Variants in EML4 observed in about 807,000 individuals in gnomAD.
EML4 encodes EMAP like 4.
In EML4, 72 loss-of-function variants were observed where a neutral mutation model predicts 129.0. The ratio of observed to expected loss-of-function variants is 0.56; its 90% CI spans 0.46 to 0.68. The LOEUF (loss-of-function observed/expected upper bound fraction) is 0.68. Among genes scored for constraint, EML4 ranks in the 30% least tolerant of loss-of-function variants. The pLI is 0.00. For missense variants in EML4, 1,363 were observed against 1,190.6 expected, an observed-to-expected ratio of 1.14 and a Z score of -2.13; for synonymous variants, 532 against 405.0, an observed-to-expected ratio of 1.31 and a Z score of -3.77.
chr2:42,184,422 C>G (rs1671126688), intron 1 of EML4, among the ~76,000 whole-genome samples: 3 of 138,316 alleles, frequency 2.2e-5, no homozygotes, highest in African/African-American at 8.2e-5. Context: ...GCTAACACAC[C>G]ATTTTCATTG....
intron 6 of EML4, among the ~76,000 whole-genome samples, chr2:42,268,593 C>T (rs72972005): frequency 0.029 from 4,428 of 152,220 alleles, 215 homozygotes; most frequent in African/African-American, 0.098. Flanking sequence ...CATACCACAA[C>T]ACCCAGCTAA....
chr2:42,180,900 C>T (rs1036197368), intron 1 of EML4, among the ~76,000 whole-genome samples: 2 of 152,148 alleles, frequency 1.3e-5, no homozygotes, highest in African/African-American at 2.4e-5. Flanking sequence ...TGGGTTTTGT[C>T]ACCTTGACAC....
chr2:42,294,626 G>A (rs1194983734), intron 11 of EML4, among the ~76,000 whole-genome samples: 1 of 152,086 alleles, frequency 6.6e-6, no homozygotes, highest in Admixed American at 6.6e-5. Flanking sequence ...AACTCCGGAG[G>A]CAGAGGTTGC....
chr2:42,233,970 G>C (rs1201816557), intron 1 of EML4, among the ~76,000 whole-genome samples: 1 of 152,174 alleles, frequency 6.6e-6, no homozygotes, highest in African/African-American at 2.4e-5. Context: ...AAGAAGATCC[G>C]AAAAGTAGTG....
At chr2:42,179,387 G>T (rs1446535783) in intron 1 of EML4, among the ~76,000 whole-genome samples, 1 of 151,952 alleles carries the variant, frequency 6.6e-6, no homozygotes, top group Non-Finnish European at 1.5e-5. Flanking sequence ...GTATAGAGGG[G>T]AAAATACAAT....
Position 42,263,175 on chromosome 2 carries a change from T to A in EML4, c.513-3T>A, listed in dbSNP as rs766791365. On this transcript the variant is annotated splice_region_variant and splice_polypyrimidine_tract_variant and intron_variant, in intron 4 of 22. Transcript: ENST00000318522. ...TTCTCTAAGAAATTAATGTTCCTTCTAGCATAAAACGACCATCACCAGCTG... is the reference window on the plus strand; with the variant it reads ...TTCTCTAAGAAATTAATGTTCCTTCAAGCATAAAACGACCATCACCAGCTG... 5.4e-5 allele frequency: 87 copies of A among 1,608,568 alleles called. No homozygotes were observed. Among genetic ancestry groups the A allele is most frequent in the Non-Finnish European group, 7.2e-5 (85 of 1,178,236 alleles).
At chr2:42,278,714 A>G (rs1412123015) in intron 6 of EML4, among the ~76,000 whole-genome samples, 1 of 151,814 alleles carries the variant, frequency 6.6e-6, no homozygotes, top group Non-Finnish European at 1.5e-5. Flanking sequence ...TGGTTAGATC[A>G]CCTGAGGTCA....
chr2:42,262,659 C>T (rs553868644), intron 4 of EML4, among the ~76,000 whole-genome samples: 1 of 152,050 alleles, frequency 6.6e-6, no homozygotes, highest in Admixed American at 6.6e-5. Context: ...TGCCAATAAC[C>T]ACATTCTTAT....
At chr2:42,196,873 A>G (rs892835456) in intron 1 of EML4, among the ~76,000 whole-genome samples, 1 of 152,108 alleles carries the variant, frequency 6.6e-6, no homozygotes, top group South Asian at 2.1e-4. Context: ...CCTGCCCTCT[A>G]CTGTGGGAAA....
chr2:42,251,876 A>G (rs922932729), intron 2 of EML4, among the ~76,000 whole-genome samples: 10 of 152,146 alleles, frequency 6.6e-5, no homozygotes, highest in Non-Finnish European at 1.2e-4. Flanking sequence ...CTCTTTTGGC[A>G]TATATATTTG....
chr2:42,177,868 C>T (rs867916810), intron 1 of EML4, among the ~76,000 whole-genome samples: 2 of 152,232 alleles, frequency 1.3e-5, no homozygotes, highest in Admixed American at 6.5e-5. Flanking sequence ...ATCAGTACTT[C>T]GTGTGATATT....
At position 42,245,645 on chromosome 2, in the gene EML4, G is replaced by C. The variant is rs1278658328; in HGVS notation, c.166G>C (p.Glu56Gln). Residue 56 changes from glutamate to glutamine, a missense_variant, in exon 2 of 23, where the codon GAA becomes CAA. Glu to Gln is a conservative substitution (Grantham distance 29, BLOSUM62 2). Coordinates refer to ENST00000318522, the MANE Select transcript of EML4 (RefSeq NM_019063.5). ...ADVLRRLAIS[E>Q]DHVASVKKSV... ...TGTTTTGAGGCGTCTTGCAATCTCT[G>C]AAGATCATGTGGCCTCAGTGAAAAA... is the stretch of plus-strand genomic sequence containing the variant. 6.2e-7 allele frequency: 1 copy of C among 1,613,314 alleles called. No individual in the cohort carries two copies. The highest frequency in any genetic ancestry group is 8.5e-7 in the Non-Finnish European group (1 of 1,179,544).
chr2:42,296,008 T>G (rs1351546097), intron 13 of EML4, among the ~76,000 whole-genome samples: 2 of 152,140 alleles, frequency 1.3e-5, no homozygotes, highest in Admixed American at 1.3e-4. Context: ...TCAGTTTTCC[T>G]AAAAAACACA....
At chr2:42,192,182 C>T (rs990222734) in intron 1 of EML4, among the ~76,000 whole-genome samples, 1 of 148,784 alleles carries the variant, frequency 6.7e-6, no homozygotes, top group Admixed American at 6.7e-5. Context: ...GGTCTTATAC[C>T]TCAGTGAAAG....
chr2:42,228,422 C>G (rs1674115473), intron 1 of EML4, among the ~76,000 whole-genome samples: 1 of 152,102 alleles, frequency 6.6e-6, no homozygotes, highest in Non-Finnish European at 1.5e-5. Flanking sequence ...CTGGGTCTTT[C>G]TCTGCCTTCT....
intron 2 of EML4, among the ~76,000 whole-genome samples, chr2:42,254,991 T>C (rs753374791): frequency 6.6e-6 from 1 of 152,168 alleles, no homozygotes; most frequent in African/African-American, 2.4e-5. Flanking sequence ...CTTGAAAACA[T>C]TGTACTATAT....
chr2:42,328,787 TA>T, intron 21 of EML4, 98 bp from the exon 22 acceptor site: 1 of 979,094 alleles, frequency 1.0e-6, no homozygotes. Context: ...TGAACATAGA[TA>T]AAAGCTAAAC....
chr2:42,250,793 C>G (rs1466500675), intron 2 of EML4, among the ~76,000 whole-genome samples: 1 of 152,092 alleles, frequency 6.6e-6, no homozygotes, highest in East Asian at 1.9e-4. Context: ...TTGTTGTATT[C>G]TTATTGCATA....
At chr2:42,172,995 AAAC>A (rs1277583948) in intron 1 of EML4, among the ~76,000 whole-genome samples, 2 of 152,228 alleles carry the variant, frequency 1.3e-5, no homozygotes, top group East Asian at 1.9e-4. Context: ...CTCAAAAGTT[AAAC>A]AACAAAACTT....
Sources: gnomAD v4.1 joint callset for allele counts (sites outside exome capture counted in the v4.1 genomes callset) on GRCh38, gnomAD v4.1.1 for gene constraint, MANE v1.5 for transcripts, NCBI Gene and HGNC (gene_info 2026-07-23, HGNC 2026-07-21) for gene names.